Variants in STK39 observed in about 807,000 individuals in gnomAD.
STK39 encodes the protein STE20/SPS1-related proline-alanine-rich protein kinase.
Under a neutral mutation model 77.8 loss-of-function variants are expected in STK39, and 20 were observed. The ratio of observed to expected loss-of-function variants is 0.26; its 90% CI spans 0.18 to 0.37. STK39 has a LOEUF of 0.37. Ranked by LOEUF, STK39 falls within the 10% of genes least tolerant of loss-of-function variation. The pLI, the probability that STK39 is intolerant of heterozygous loss-of-function variation, is 1.00. For synonymous variants in STK39, 246 were observed against 234.1 expected (o/e 1.05, Z -0.47); for missense variants, 479 against 656.5 (o/e 0.73, Z 2.95).
chr2:167,975,157 A>G (rs1463255857), intron 16 of STK39, among the ~76,000 whole-genome samples: 3 of 152,230 alleles, frequency 2.0e-5, no homozygotes, highest in South Asian at 2.1e-4. Context: ...TTTGTTATTA[A>G]AAGTTCTGCA....
At chr2:168,144,312 T>G (rs1688075018) in intron 5 of STK39, among the ~76,000 whole-genome samples, 1 of 152,154 alleles carries the variant, frequency 6.6e-6, no homozygotes, top group Non-Finnish European at 1.5e-5. Flanking sequence ...TTTATTTATT[T>G]TATTTTTTTG....
chr2:168,009,693 G>A (rs1405582759), intron 16 of STK39, among the ~76,000 whole-genome samples: 5 of 152,152 alleles, frequency 3.3e-5, no homozygotes, highest in African/African-American at 1.2e-4. Context: ...TGATGTCCAT[G>A]TAAGGCATTT....
intron 14 of STK39, among the ~76,000 whole-genome samples, chr2:168,040,839 G>C (rs1685085214): frequency 6.6e-6 from 1 of 152,072 alleles, no homozygotes; most frequent in South Asian, 2.1e-4. Flanking sequence ...CTTTTCCCTT[G>C]ACACTTAATA....
In STK39 at chr2:167,956,421, G is replaced by C. The variant is rs556370701; in HGVS notation, c.1564-851C>G. Among the ~76,000 whole-genome samples the C allele has an allele frequency of 3.9e-3, 596 of 152,192 alleles. 3 individuals are homozygous for C. Among genetic ancestry groups the C allele is most frequent in the African/African-American group, 0.013 (560 of 41,520 alleles). On this transcript the variant is annotated intron_variant, in intron 17 of 17. Coordinates refer to ENST00000355999, the MANE Select transcript of STK39 (RefSeq NM_013233.3). ...AAATACAAAAAATTAGCCAGGTTTG[G>C]TGGCACACACCTGTAGTGCCAGCTA...
At chr2:168,147,797 G>T (rs556582204) in intron 5 of STK39, among the ~76,000 whole-genome samples, 12 of 152,192 alleles carry the variant, frequency 7.9e-5, no homozygotes, top group African/African-American at 2.9e-4. Context: ...AGCACTAAAA[G>T]CACCATCTTC....
At chr2:168,205,034 G>T (rs1689705683) in intron 1 of STK39, among the ~76,000 whole-genome samples, 2 of 152,306 alleles carry the variant, frequency 1.3e-5, no homozygotes, top group Admixed American at 6.5e-5. Context: ...AAACAAGATG[G>T]ATCAATGGAT....
At chr2:167,963,263 A>G (rs1692045748) in intron 17 of STK39, among the ~76,000 whole-genome samples, 1 of 152,174 alleles carries the variant, frequency 6.6e-6, no homozygotes, top group Non-Finnish European at 1.5e-5. Flanking sequence ...GTTTTACATT[A>G]TTCTTATGGT....
At chr2:167,959,439 T>G (rs976745855) in intron 17 of STK39, among the ~76,000 whole-genome samples, 1 of 151,998 alleles carries the variant, frequency 6.6e-6, no homozygotes, top group Non-Finnish European at 1.5e-5. Flanking sequence ...GCTTTTTGTT[T>G]TTTTTTTTTT....
intron 1 of STK39, among the ~76,000 whole-genome samples, chr2:168,195,879 T>C (rs113481306): frequency 1.3e-5 from 2 of 152,136 alleles, no homozygotes; most frequent in African/African-American, 4.8e-5. Context: ...TAGATGGGCG[T>C]GGTGGCGGGC....
chr2:168,143,718 A>C (rs898848933), intron 5 of STK39, among the ~76,000 whole-genome samples: 2 of 152,166 alleles, frequency 1.3e-5, no homozygotes, highest in Non-Finnish European at 2.9e-5. Context: ...GTCTCAAAAA[A>C]AAAAAAAAGT....
At chr2:168,129,292 C>T (rs905406841) in intron 10 of STK39, among the ~76,000 whole-genome samples, 1 of 152,208 alleles carries the variant, frequency 6.6e-6, no homozygotes. Context: ...TCCTTTCTGA[C>T]CTTCTTTAAG....
rs184131110 is a variant in STK39 at position 168,205,419 on chromosome 2, A to T, written c.209-23329T>A. 3.0e-3 allele frequency among the ~76,000 whole-genome samples: 455 copies of T among 152,288 alleles called. 3 individuals are homozygous for T. Among genetic ancestry groups the T allele is most frequent in the African/African-American group, 0.011 (442 of 41,570 alleles). On this transcript the variant is annotated intron_variant, in intron 1 of 17. Coordinates refer to ENST00000355999, the MANE Select transcript of STK39 (RefSeq NM_013233.3). Reference sequence around the variant, plus strand: ...TCCAATTTTTCTTCAATGAGCATATATTGAATTGCAACTAAAAAATTACTT... The same window carrying T: ...TCCAATTTTTCTTCAATGAGCATATTTTGAATTGCAACTAAAAAATTACTT...
At chr2:168,208,841 C>G (rs1441401162) in intron 1 of STK39, among the ~76,000 whole-genome samples, 1 of 152,198 alleles carries the variant, frequency 6.6e-6, no homozygotes, top group Non-Finnish European at 1.5e-5. Flanking sequence ...AGGATGGAGC[C>G]ACAAGACTGA....
intron 8 of STK39, among the ~76,000 whole-genome samples, chr2:168,132,545 C>T (rs1293866997): frequency 6.6e-6 from 1 of 152,208 alleles, no homozygotes; most frequent in African/African-American, 2.4e-5. Context: ...GATGTTCTCA[C>T]TCATCTCTTG....
intron 2 of STK39, among the ~76,000 whole-genome samples, chr2:168,180,284 T>A (rs1372859524): frequency 2.0e-5 from 3 of 151,970 alleles, no homozygotes; most frequent in Non-Finnish European, 2.9e-5. Flanking sequence ...GAGGCGGAGG[T>A]TGCAGTGAGC....
intron 14 of STK39, among the ~76,000 whole-genome samples, chr2:168,049,851 T>C (rs529690326): frequency 8.5e-5 from 13 of 152,310 alleles, no homozygotes; most frequent in Non-Finnish European, 1.6e-4. Flanking sequence ...GTGGCATTGT[T>C]TGTAATAGTG....
intron 14 of STK39, among the ~76,000 whole-genome samples, chr2:168,051,461 A>G (rs879593459): frequency 6.6e-6 from 1 of 152,198 alleles, no homozygotes; most frequent in Non-Finnish European, 1.5e-5. Flanking sequence ...TATCTGTGTA[A>G]TGACATTAAA....
At chr2:168,199,203 C>T (rs1689549536) in intron 1 of STK39, among the ~76,000 whole-genome samples, 7 of 152,230 alleles carry the variant, frequency 4.6e-5, no homozygotes, top group Admixed American at 4.6e-4. Context: ...GGTTTGCTCT[C>T]AGCTTCAAAA....
At chr2:168,018,624 G>C (rs952381684) in intron 14 of STK39, among the ~76,000 whole-genome samples, 2 of 150,486 alleles carry the variant, frequency 1.3e-5, no homozygotes, top group African/African-American at 4.9e-5. Context: ...ACATGAACTA[G>C]TATTAGCTGA....
Sources: allele counts gnomAD v4.1 joint callset (sites outside exome capture counted in the v4.1 genomes callset), GRCh38; gene constraint gnomAD v4.1.1; transcripts MANE v1.5; gene names NCBI Gene and HGNC (gene_info 2026-07-23, HGNC 2026-07-21).